The following RNF212B variants were observed in gnomAD, a reference collection of about 807,000 sequenced individuals.
The protein encoded by RNF212B is E3 ubiquitin-protein ligase RNF212B.
A neutral mutation model predicts 55.5 loss-of-function variants in RNF212B; 52 were observed. The observed-to-expected ratio is 0.94, with a 90% CI of 0.75 to 1.18. RNF212B has a LOEUF of 1.18. Ranked by LOEUF, RNF212B falls within the 50% of genes most tolerant of loss-of-function variation. The pLI is 0.00. For synonymous variants in RNF212B, 99 were observed against 121.4 expected, an observed-to-expected ratio of 0.82 and a Z score of 1.21; for missense variants, 289 against 350.4, an observed-to-expected ratio of 0.82 and a Z score of 1.40.
chr14:23,269,372 G>A (rs1015915240), intron 12 of RNF212B, among the ~76,000 whole-genome samples: 8 of 152,140 alleles, frequency 5.3e-5, no homozygotes, highest in Admixed American at 1.3e-4. Flanking sequence ...TTGTACCACC[G>A]AAGTTTACAA....
chr14:23,260,008 C>A, intron 6 of RNF212B, 64 bp downstream of exon 6: 1 of 798,120 alleles, frequency 1.3e-6, no homozygotes, highest in Non-Finnish European at 2.0e-6. Flanking sequence ...ATCTAGCTGA[C>A]TGTATAGAAT....
chr14:23,204,519 AG>A (rs1161194647), intron 2 of RNF212B, among the ~76,000 whole-genome samples: 7 of 152,154 alleles, frequency 4.6e-5, no homozygotes, highest in African/African-American at 1.7e-4. Flanking sequence ...GCTTTGTCAA[AG>A]CTCAGTTGGC....
chr14:23,223,256 C>T (rs1881724897), intron 2 of RNF212B, among the ~76,000 whole-genome samples: 1 of 151,942 alleles, frequency 6.6e-6, no homozygotes, highest in Admixed American at 6.6e-5. Flanking sequence ...CAAAAAAACC[C>T]TTAAAAAACT....
At chr14:23,264,900 C>T (rs1210550644) in intron 11 of RNF212B, among the ~76,000 whole-genome samples, 2 of 151,402 alleles carry the variant, frequency 1.3e-5, no homozygotes, top group African/African-American at 4.9e-5. Flanking sequence ...CGGCTCACCA[C>T]ATCCTCCGCC....
chr14:23,192,138 A>G (rs1293562712), intron 1 of RNF212B, among the ~76,000 whole-genome samples: 1 of 150,584 alleles, frequency 6.6e-6, no homozygotes, highest in African/African-American at 2.5e-5. Flanking sequence ...CGATTCCTCA[A>G]GGATCTAGAG....
intron 4 of RNF212B, among the ~76,000 whole-genome samples, chr14:23,248,196 T>C (rs1307333936): frequency 1.3e-5 from 2 of 151,964 alleles, no homozygotes; most frequent in African/African-American, 2.4e-5. Context: ...GGTGCAATCA[T>C]GGCTCCCTGC....
chr14:23,235,895 T>G (rs896791548), upstream of RNF212B, among the ~76,000 whole-genome samples: 4 of 152,234 alleles, frequency 2.6e-5, no homozygotes, highest in African/African-American at 9.6e-5. Flanking sequence ...AAAAAGTTCA[T>G]TGATATGGTT....
chr14:23,242,081 C>CAAAAAAAAAAAAAAAAAAAAAAA (rs58497672), intron 2 of RNF212B, among the ~76,000 whole-genome samples: 2 of 36,646 alleles, frequency 5.5e-5, no homozygotes, highest in East Asian at 9.1e-4. Flanking sequence ...GACTCCGTCT[C>CAAAAAAAAAAAAAAAAAAAAAAA]AAAAAAAAAA....
intron 11 of RNF212B, among the ~76,000 whole-genome samples, chr14:23,267,397 C>T (rs527371353): frequency 2.6e-5 from 4 of 151,844 alleles, no homozygotes; most frequent in East Asian, 3.9e-4. Flanking sequence ...ATAAATGGAC[C>T]CCTTTATCAT....
At chr14:23,220,092 G>A (rs981944364) in intron 2 of RNF212B, among the ~76,000 whole-genome samples, 5 of 152,034 alleles carry the variant, frequency 3.3e-5, no homozygotes, top group Non-Finnish European at 7.3e-5. Context: ...GCTGAGGCAC[G>A]AGTATCCCTT....
rs60122483 is a variant in RNF212B at position 23,230,653 on chromosome 14, C to CAA, written c.-1-9663_-1-9662dup. On this transcript the variant is annotated intron_variant, in intron 2 of 15. Coordinates refer to the RNF212B transcript ENST00000399910. ...TGGACGACAGAGCGAGACTCCATCT[C>CAA]AAAAAAAAAAAAAAAAAAAAAAAAA... Among the ~76,000 whole-genome samples the CAA allele has an allele frequency of 2.2e-3, 165 of 73,974 alleles. 11 individuals are homozygous for CAA. The East Asian group carries it at 0.026, about 12-fold the overall frequency. 48.5% of individuals were successfully genotyped at this position (73,974 alleles called of 152,430 possible). A position where few individuals can be genotyped will look rare whatever the true frequency, so the allele number is the denominator to read the frequency against.
intron 1 of RNF212B, among the ~76,000 whole-genome samples, chr14:23,239,993 A>AAC (rs35948084): frequency 0.19 from 27,028 of 145,378 alleles, 2,759 homozygotes; most frequent in South Asian, 0.25. Context: ...AGTAAAGGAA[A>AAC]ACACACACAC....
chr14:23,201,067 A>G (rs751891217), intron 2 of RNF212B, among the ~76,000 whole-genome samples: 1 of 152,356 alleles, frequency 6.6e-6, no homozygotes, highest in Non-Finnish European at 1.5e-5. Flanking sequence ...TCTGAAAAAC[A>G]GAATAAAGGA....
intron 2 of RNF212B, among the ~76,000 whole-genome samples, chr14:23,205,462 ATTATT>A (rs1302601890): frequency 1.2e-4 from 18 of 152,126 alleles, no homozygotes; most frequent in African/African-American, 4.1e-4. Flanking sequence ...CATTTACCTA[ATTATT>A]TTATTTTAAT....
At chr14:23,244,969 A>T (rs1883885301) in intron 4 of RNF212B, among the ~76,000 whole-genome samples, 1 of 152,182 alleles carries the variant, frequency 6.6e-6, no homozygotes, top group Non-Finnish European at 1.5e-5. Context: ...AGGAATGTAG[A>T]AGAAGGTAGA....
chr14:23,204,815 G>C (rs143884540), intron 2 of RNF212B, among the ~76,000 whole-genome samples: 1,995 of 152,102 alleles, frequency 0.013, 41 homozygotes, highest in African/African-American at 0.046. Flanking sequence ...GATTGTGTAT[G>C]GTCATTTTCA....
At chr14:23,187,312 A>G (rs1230414769) in intron 1 of RNF212B, among the ~76,000 whole-genome samples, 1 of 152,134 alleles carries the variant, frequency 6.6e-6, no homozygotes, top group Admixed American at 6.5e-5. Flanking sequence ...AAACACAAAC[A>G]CACACAACCC....
In RNF212B at chr14:23,229,001, C is replaced by T. The variant is rs541406149; in HGVS notation, c.-1-11344C>T. On this transcript the variant is annotated intron_variant, in intron 2 of 15. Coordinates refer to the RNF212B transcript ENST00000399910. ...ATAACCACTAACAGAAACTCTTCACCCATTAAGCAATTACTTCCTATCTCT... is the reference window on the plus strand; with the variant it reads ...ATAACCACTAACAGAAACTCTTCACTCATTAAGCAATTACTTCCTATCTCT... 2.6e-5 allele frequency among the ~76,000 whole-genome samples: 4 copies of T among 151,872 alleles called. No individual in the cohort carries two copies. The East Asian group carries it at 7.7e-4, about 29-fold the overall frequency.
intron 1 of RNF212B, among the ~76,000 whole-genome samples, chr14:23,239,563 A>C (rs1883402584): frequency 1.3e-5 from 2 of 152,138 alleles, no homozygotes; most frequent in Admixed American, 1.3e-4. Context: ...TAAAAAAGAA[A>C]TGGACGATTC....
Sources: allele counts gnomAD v4.1 joint callset (sites outside exome capture counted in the v4.1 genomes callset), GRCh38; gene constraint gnomAD v4.1.1; transcripts MANE v1.5; gene names NCBI Gene and HGNC (gene_info 2026-07-23, HGNC 2026-07-21).